STS: variants seen among roughly 807,000 people sequenced by gnomAD.
The protein encoded by STS is steroid sulfatase, also known as steryl-sulfatase.
In STS, 7 loss-of-function variants were observed where a neutral mutation model predicts 26.8. The observed-to-expected ratio is 0.26, with a 90% CI of 0.15 to 0.49. The LOEUF (loss-of-function observed/expected upper bound fraction) is 0.49. Ranked by LOEUF, STS falls within the 20% of genes least tolerant of loss-of-function variation. STS has a pLI of 0.98. For synonymous variants in STS, 199 were observed against 189.4 expected, an observed-to-expected ratio of 1.05 and a Z score of -0.42; for missense variants, 434 against 465.6, an observed-to-expected ratio of 0.93 and a Z score of 0.63.
intron 10 of STS, 85 bp from the exon 11 acceptor site, chrX:7,349,803 G>GC (rs1928706214): frequency 8.7e-7 from 1 of 1,152,866 alleles, no homozygotes; most frequent in Non-Finnish European, 1.2e-6. Flanking sequence ...GCACATGGCA[G>GC]CATAATTTCC....
intron 7 of STS, among the ~76,000 whole-genome samples, chrX:7,299,002 A>G (rs1438599223): frequency 1.3e-5 from 1 of 77,788 alleles, no homozygotes; most frequent in Admixed American, 1.5e-4. Context: ...TAAAATAATT[A>G]TATATTTATA....
chrX:7,323,692 G>A (rs1301715048), intron 8 of STS, among the ~76,000 whole-genome samples: 1 of 111,743 alleles, frequency 8.9e-6, no homozygotes, highest in African/African-American at 3.3e-5. Flanking sequence ...ACAGGTAAAG[G>A]TATCTTTTTG....
chrX:7,229,970 C>G (rs1246580419), intron 2 of STS, among the ~76,000 whole-genome samples: 1 of 110,670 alleles, frequency 9.0e-6, no homozygotes, highest in Non-Finnish European at 1.9e-5. Context: ...CCTTGCACCC[C>G]GGGGCTCAAG....
intron 1 of STS, among the ~76,000 whole-genome samples, chrX:7,181,862 G>A (rs1440867508): frequency 1.8e-5 from 2 of 111,897 alleles, no homozygotes; most frequent in Non-Finnish European, 3.8e-5. Context: ...AAGGTGGGTG[G>A]ATCCCTTGAG....
chrX:7,320,778 CAG>C (rs1926990034), intron 8 of STS, among the ~76,000 whole-genome samples: 1 of 111,666 alleles, frequency 9.0e-6, no homozygotes, highest in Non-Finnish European at 1.9e-5. Context: ...CAGTATCTGT[CAG>C]AGAATTACCT....
chrX:7,169,160 G>T (rs1933412300), intron 1 of STS, among the ~76,000 whole-genome samples: 1 of 109,850 alleles, frequency 9.1e-6, no homozygotes, highest in South Asian at 4.1e-4. Context: ...CCACCCCTGG[G>T]AAACCATCAG....
In STS at chrX:7,206,658, G is replaced by C. The variant is rs184029566; in HGVS notation, c.-5+15650G>C. On this transcript the variant is annotated intron_variant, in intron 2 of 10. Transcript: ENST00000674429. The stretch of plus-strand genomic sequence containing the variant: ...TTCTTTTTCATTCCAAACCAACATA[G>C]AGCTGTGTGATCCAAGGGCCTTAAA... 4.8e-3 allele frequency among the ~76,000 whole-genome samples: 535 copies of C among 111,507 alleles called. 7 individuals are homozygous for C. Among genetic ancestry groups the C allele is most frequent in the African/African-American group, 0.016 (497 of 30,734 alleles).
chrX:7,327,214 G>C lies in STS; in HGVS notation c.1241+1716G>C, dbSNP rs1474387402. ...CTCCTAAAAAGGTGATAGTGAGAAA[G>C]ACAAAGAGTGCCTTCCTATTGTTAT... On this transcript the variant is annotated intron_variant, in intron 9 of 10. Transcript: ENST00000674429. Among the ~76,000 whole-genome samples, 2 of 110,533 alleles carry C rather than the reference G, an allele frequency of 1.8e-5. 1 individual carries two copies. The highest frequency in any genetic ancestry group is 3.8e-5 in the Non-Finnish European group (2 of 52,909).
At chrX:7,175,200 AAAAAG>A (rs1933544867) in intron 1 of STS, among the ~76,000 whole-genome samples, 2 of 107,448 alleles carry the variant, frequency 1.9e-5, no homozygotes, top group African/African-American at 3.4e-5. Flanking sequence ...AAAAAAAAAA[AAAAAG>A]CCAGATGCAG....
At chrX:7,314,584 G>A (rs1256153534) in intron 8 of STS, among the ~76,000 whole-genome samples, 1 of 113,057 alleles carries the variant, frequency 8.8e-6, no homozygotes, top group Non-Finnish European at 1.9e-5. Flanking sequence ...AGGCATTGCC[G>A]TAGGCAGAGT....
chrX:7,270,812 G>A (rs1248196945), intron 6 of STS, among the ~76,000 whole-genome samples: 1 of 111,857 alleles, frequency 8.9e-6, no homozygotes, highest in African/African-American at 3.2e-5. Context: ...GAACCCTGAA[G>A]CTCAGGTCTT....
At chrX:7,179,344 C>T (rs1933638379) in intron 1 of STS, among the ~76,000 whole-genome samples, 1 of 109,823 alleles carries the variant, frequency 9.1e-6, no homozygotes, top group Non-Finnish European at 1.9e-5. Flanking sequence ...AAAGTGGTAA[C>T]CATCTTTCTC....
intron 2 of STS, among the ~76,000 whole-genome samples, chrX:7,217,114 G>A (rs1237666673): frequency 9.0e-6 from 1 of 110,856 alleles, no homozygotes; most frequent in African/African-American, 3.3e-5. Flanking sequence ...AAGGGCCAGC[G>A]AGATTCCTCC....
chrX:7,243,717 G>A (rs1157320467), intron 2 of STS, among the ~76,000 whole-genome samples: 1 of 111,740 alleles, frequency 8.9e-6, no homozygotes, highest in Non-Finnish European at 1.9e-5. Context: ...ACCCCGAAAA[G>A]GGAGGGAGGT....
chrX:7,312,058 C>T (rs1384905431), intron 8 of STS, among the ~76,000 whole-genome samples: 1 of 111,428 alleles, frequency 9.0e-6, no homozygotes, highest in Non-Finnish European at 1.9e-5. Context: ...GAACAAAAAA[C>T]CACTCCAATA....
At chrX:7,217,530 C>A (rs1921358905) in intron 2 of STS, among the ~76,000 whole-genome samples, 2 of 111,796 alleles carry the variant, frequency 1.8e-5, no homozygotes. Flanking sequence ...CTCTCTATGG[C>A]AACTTTTTGC....
chrX:7,317,524 A>C (rs1926771615), intron 8 of STS, among the ~76,000 whole-genome samples: 1 of 111,719 alleles, frequency 9.0e-6, no homozygotes, highest in African/African-American at 3.3e-5. Flanking sequence ...GCTAGGGTGC[A>C]GTGGCGTGAT....
chrX:7,252,897 A>G (rs1361036651), intron 2 of STS, among the ~76,000 whole-genome samples: 1 of 111,735 alleles, frequency 8.9e-6, no homozygotes, highest in African/African-American at 3.3e-5. Context: ...TCAGGCCTGT[A>G]ATCAGCACTT....
chrX:7,188,514 A>C (rs1454566904), intron 1 of STS, among the ~76,000 whole-genome samples: 1 of 112,005 alleles, frequency 8.9e-6, no homozygotes, highest in Non-Finnish European at 1.9e-5. Context: ...CCCATCTCAT[A>C]CTAATTTGAA....
Sources: allele counts gnomAD v4.1 joint callset (sites outside exome capture counted in the v4.1 genomes callset), GRCh38; gene constraint gnomAD v4.1.1; transcripts MANE v1.5; gene names NCBI Gene and HGNC (gene_info 2026-07-23, HGNC 2026-07-21).